GLRA3: variants seen among roughly 807,000 people sequenced by gnomAD.
GLRA3 encodes glycine receptor subunit alpha-3.
Under a neutral mutation model 60.4 loss-of-function variants are expected in GLRA3, and 44 were observed. The ratio of observed to expected loss-of-function variants is 0.73; its 90% CI spans 0.57 to 0.94. GLRA3 has a LOEUF of 0.94. Among genes scored for constraint, GLRA3 ranks in the 40% least tolerant of loss-of-function variants. The pLI is 0.00. For synonymous variants in GLRA3, 223 were observed against 192.9 expected (o/e 1.16, Z -1.29); for missense variants, 508 against 564.6 (o/e 0.90, Z 1.02).
At chr4:174,778,725 A>T (rs1460277476) in intron 2 of GLRA3, among the ~76,000 whole-genome samples, 2 of 152,202 alleles carry the variant, frequency 1.3e-5, no homozygotes, top group Non-Finnish European at 2.9e-5. Context: ...GCACCTGGAA[A>T]ATCGGGTCAC....
intron 2 of GLRA3, among the ~76,000 whole-genome samples, chr4:174,770,833 G>T (rs1324541686): frequency 6.6e-6 from 1 of 151,762 alleles, no homozygotes; most frequent in Non-Finnish European, 1.5e-5. Flanking sequence ...TGTGGGAGAG[G>T]AGTAAACTTA....
At chr4:174,811,225 T>C (rs1448136268) in intron 1 of GLRA3, among the ~76,000 whole-genome samples, 3 of 151,306 alleles carry the variant, frequency 2.0e-5, no homozygotes, top group Admixed American at 6.6e-5. Context: ...AACAGGGAAT[T>C]TGCTCTGACT....
chr4:174,792,781 T>C (rs1739408951), intron 1 of GLRA3, among the ~76,000 whole-genome samples: 1 of 152,088 alleles, frequency 6.6e-6, no homozygotes, highest in Non-Finnish European at 1.5e-5. Context: ...AAAAATAGAT[T>C]TGCAAATGGG....
chr4:174,720,445 A>G (rs1385944875), intron 4 of GLRA3, among the ~76,000 whole-genome samples: 3 of 152,178 alleles, frequency 2.0e-5, no homozygotes, highest in African/African-American at 7.2e-5. Flanking sequence ...GCTCAAGGTA[A>G]TTAGTATTGT....
intron 1 of GLRA3, among the ~76,000 whole-genome samples, chr4:174,800,651 C>T (rs1287111857): frequency 6.6e-6 from 1 of 152,082 alleles, no homozygotes; most frequent in Non-Finnish European, 1.5e-5. Context: ...TCTCAGCCAC[C>T]TGCCCCTTTC....
At position 174,677,155 on chromosome 4, in the gene GLRA3, C is replaced by A. The variant is rs781159642; in HGVS notation, c.850G>T (p.Ala284Ser). ...GTGGTTATCCCCAGAGCTACCCTGG[C>A]CGGTGCTGCATCCATGTTGATCCAG... ...SFWINMDAAP[A>S]RVALGITTVL... Residue 284 changes from alanine (A) to serine (S), a missense_variant, in exon 7 of 10, where the codon GCC (alanine) becomes TCC (serine). Ala to Ser is a moderately conservative substitution (Grantham distance 99). This residue lies in a region of GLRA3 where 329 missense variants were observed against 349.3 expected (regional missense o/e 0.94). Coordinates refer to ENST00000274093, the MANE Select transcript of GLRA3 (RefSeq NM_006529.4). The A allele has an allele frequency of 1.7e-5, 27 of 1,613,250 alleles. No individual in the cohort carries two copies. Among genetic ancestry groups the A allele is most frequent in the Non-Finnish European group, 2.3e-5 (27 of 1,179,416 alleles).
chr4:174,797,333 G>A (rs189582978), intron 1 of GLRA3, among the ~76,000 whole-genome samples: 90 of 152,098 alleles, frequency 5.9e-4, no homozygotes, highest in Admixed American at 5.8e-3. Flanking sequence ...TGACTTTTTC[G>A]AATAGTCTTT....
At chr4:174,659,276 A>G (rs1733341137) in intron 7 of GLRA3, 79 bp from the exon 8 acceptor site, 1 of 1,019,162 alleles carries the variant, frequency 9.8e-7, no homozygotes, top group Non-Finnish European at 1.5e-6. Context: ...AGTTTTTCTG[A>G]TTCTGAATTA....
chr4:174,740,280 T>C (rs1357473226), intron 3 of GLRA3, among the ~76,000 whole-genome samples: 1 of 152,176 alleles, frequency 6.6e-6, no homozygotes, highest in Non-Finnish European at 1.5e-5. Flanking sequence ...GTAAGAATCC[T>C]CAAAGCTTTT....
chr4:174,799,473 G>A (rs1054362831), intron 1 of GLRA3, among the ~76,000 whole-genome samples: 3 of 152,164 alleles, frequency 2.0e-5, no homozygotes, highest in Admixed American at 6.5e-5. Context: ...TCCGTAAGTC[G>A]TAACTGAGAG....
intron 4 of GLRA3, among the ~76,000 whole-genome samples, chr4:174,720,232 T>C (rs975868347): frequency 6.6e-6 from 1 of 152,180 alleles, no homozygotes; most frequent in Non-Finnish European, 1.5e-5. Flanking sequence ...GTAAAGATAT[T>C]ACTATCCTCT....
intron 1 of GLRA3, among the ~76,000 whole-genome samples, chr4:174,813,919 G>A (rs1740372678): frequency 6.6e-6 from 1 of 152,160 alleles, no homozygotes; most frequent in African/African-American, 2.4e-5. Context: ...GACTCACAAA[G>A]GGGTTAGCTC....
intron 1 of GLRA3, among the ~76,000 whole-genome samples, chr4:174,820,727 T>G (rs912590746): frequency 1.3e-5 from 2 of 152,192 alleles, no homozygotes; most frequent in Non-Finnish European, 2.9e-5. Flanking sequence ...ACTTATCTTC[T>G]TCAGGCTTCC....
chr4:174,760,415 T>A (rs191730168), intron 3 of GLRA3, among the ~76,000 whole-genome samples: 2 of 151,778 alleles, frequency 1.3e-5, no homozygotes, highest in Non-Finnish European at 1.5e-5. Flanking sequence ...GTAATTTGAA[T>A]GGGGAGCAAT....
intron 5 of GLRA3, among the ~76,000 whole-genome samples, chr4:174,712,977 T>C (rs1325514659): frequency 7.1e-6 from 1 of 140,944 alleles, no homozygotes; most frequent in Non-Finnish European, 1.6e-5. Flanking sequence ...GTATATATTA[T>C]ATAGTATATT....
At chr4:174,763,174 C>T (rs1384234620) in intron 3 of GLRA3, among the ~76,000 whole-genome samples, 1 of 152,140 alleles carries the variant, frequency 6.6e-6, no homozygotes, top group Non-Finnish European at 1.5e-5. Flanking sequence ...GGAAAAAGCA[C>T]TCAGGTCACA....
intron 3 of GLRA3, among the ~76,000 whole-genome samples, chr4:174,765,633 G>A (rs1183312519): frequency 6.6e-6 from 1 of 151,864 alleles, no homozygotes; most frequent in Admixed American, 6.6e-5. Context: ...ATAAATCAGG[G>A]CCAATTTTTC....
intron 1 of GLRA3, among the ~76,000 whole-genome samples, chr4:174,817,615 T>C (rs1740561608): frequency 6.6e-6 from 1 of 152,158 alleles, no homozygotes; most frequent in Admixed American, 6.6e-5. Context: ...TACTAATATA[T>C]ATACTTTTTT....
At chr4:174,746,659 G>A (rs1031606550) in intron 3 of GLRA3, among the ~76,000 whole-genome samples, 1 of 152,128 alleles carries the variant, frequency 6.6e-6, no homozygotes, top group African/African-American at 2.4e-5. Flanking sequence ...TACCAATATA[G>A]TTACCAGTTA....
Sources: gnomAD v4.1 joint callset for allele counts (sites outside exome capture counted in the v4.1 genomes callset) on GRCh38, gnomAD v4.1.1 for gene constraint, gnomAD v4.1.1 regional missense constraint, MANE v1.5 for transcripts, NCBI Gene and HGNC (gene_info 2026-07-23, HGNC 2026-07-21) for gene names.